The following NAV3 variants were observed in gnomAD, a reference collection of about 807,000 sequenced individuals.
NAV3 encodes the protein pore membrane and/or filament interacting like protein 1.
Under a neutral mutation model 244.7 loss-of-function variants are expected in NAV3, and 87 were observed. The observed-to-expected ratio is 0.36, with a 90% CI of 0.30 to 0.42. The LOEUF (loss-of-function observed/expected upper bound fraction) is 0.42, where lower values mean the gene tolerates loss of function less well. NAV3 is among the 20% of genes least tolerant of loss of function. The pLI is 1.00. For missense variants in NAV3, 2,663 were observed against 2,893.3 expected (o/e 0.92, Z 1.83); for synonymous variants, 1,126 against 1,042.2 (o/e 1.08, Z -1.55).
intron 2 of NAV3, among the ~76,000 whole-genome samples, chr12:77,793,160 T>C (rs1401577641): frequency 6.6e-6 from 1 of 151,974 alleles, no homozygotes; most frequent in Non-Finnish European, 1.5e-5. Context: ...AAATAAAAAA[T>C]ATTATAGCTA....
Position 78,119,385 on chromosome 12 carries a change from C to G in NAV3, c.3189C>G (p.Ser1063Arg), listed in dbSNP as rs773648384. Residue 1063 changes from serine to arginine, a missense_variant, in exon 15 of 40, where the codon AGC becomes AGG. Coordinates refer to ENST00000397909, the MANE Select transcript of NAV3 (RefSeq NM_001024383.2). ...PSGIGRSTATSSFGFKKPSGV... is the reference protein window; with the variant it reads ...PSGIGRSTATRSFGFKKPSGV... ...GCATTGGAAGATCGACTGCCACCAG[C>G]TCCTTTGGCTTTAAGAAACCAAGTG... The G allele has an allele frequency of 1.2e-6, 2 of 1,614,112 alleles. No individual in the cohort carries two copies. Among genetic ancestry groups the G allele is most frequent in the South Asian group, 1.1e-5 (1 of 91,082 alleles).
At chr12:77,786,338 T>G (rs545612655) in intron 2 of NAV3, among the ~76,000 whole-genome samples, 1 of 152,322 alleles carries the variant, frequency 6.6e-6, no homozygotes, top group South Asian at 2.1e-4. Flanking sequence ...CATACACCCC[T>G]TTGCTTGCTA....
intron 12 of NAV3, among the ~76,000 whole-genome samples, chr12:78,086,706 G>A (rs150995246): frequency 3.2e-4 from 49 of 152,142 alleles, no homozygotes; most frequent in African/African-American, 1.2e-3. Flanking sequence ...TAGAATTAAA[G>A]ACTTGGAAAG....
At position 77,647,536 on chromosome 12, in the gene NAV3, A is replaced by G. The variant is rs1354240490; in HGVS notation, c.72+75270A>G. On this transcript the variant is annotated intron_variant, in intron 2 of 8. Coordinates refer to the NAV3 transcript ENST00000550042. ...TTCAGAAATTTGAGATTAGGACTTGAGATATTATGTCTATTTTAGCCTCCT... is the reference window on the plus strand; with the variant it reads ...TTCAGAAATTTGAGATTAGGACTTGGGATATTATGTCTATTTTAGCCTCCT... 3.3e-5 allele frequency among the ~76,000 whole-genome samples: 5 copies of G among 151,696 alleles called. No homozygotes were observed. In the East Asian group the frequency reaches 9.7e-4, roughly 29 times the overall value.
At chr12:77,813,801 C>A (rs1430012734) in intron 2 of NAV3, among the ~76,000 whole-genome samples, 1 of 152,220 alleles carries the variant, frequency 6.6e-6, no homozygotes, top group African/African-American at 2.4e-5. Context: ...GAGCCTGTCA[C>A]TGATCTAAAA....
At chr12:78,161,877 A>G (rs1434674696) in intron 23 of NAV3, among the ~76,000 whole-genome samples, 2 of 152,152 alleles carry the variant, frequency 1.3e-5, no homozygotes, top group Non-Finnish European at 2.9e-5. Flanking sequence ...ATCTAATTAA[A>G]ACCAGTAGAA....
At chr12:77,791,196 A>C (rs2135943430) in intron 2 of NAV3, among the ~76,000 whole-genome samples, 1 of 152,186 alleles carries the variant, frequency 6.6e-6, no homozygotes. Context: ...TCTACTAAAA[A>C]TACAAAAATT....
At chr12:78,097,724 G>A (rs139531094) in intron 12 of NAV3, among the ~76,000 whole-genome samples, 149 of 152,024 alleles carry the variant, frequency 9.8e-4, no homozygotes, top group African/African-American at 3.2e-3. Context: ...CTTTAATGTA[G>A]CTGTTTCAAG....
At chr12:77,900,512 T>G (rs899641311) in intron 1 of NAV3, among the ~76,000 whole-genome samples, 3 of 152,196 alleles carry the variant, frequency 2.0e-5, no homozygotes, top group Admixed American at 6.5e-5. Flanking sequence ...ACTAAGTAGA[T>G]GATTTCATTA....
At chr12:77,795,427 A>T (rs1254374890) in intron 2 of NAV3, among the ~76,000 whole-genome samples, 1 of 152,150 alleles carries the variant, frequency 6.6e-6, no homozygotes. Context: ...TGCAAGGTGA[A>T]GCAGCAAGCG....
chr12:78,145,277 T>C (rs1003809700), intron 20 of NAV3, among the ~76,000 whole-genome samples: 1 of 152,196 alleles, frequency 6.6e-6, no homozygotes, highest in Non-Finnish European at 1.5e-5. Flanking sequence ...AGTTTACATA[T>C]TTTTAAAGGT....
At chr12:77,585,042 A>T (rs1010202553) in intron 2 of NAV3, among the ~76,000 whole-genome samples, 1 of 152,218 alleles carries the variant, frequency 6.6e-6, no homozygotes, top group African/African-American at 2.4e-5. Flanking sequence ...CCAAGACAAG[A>T]TAAACCCCGT....
chr12:77,954,840 T>C (rs985258750), intron 3 of NAV3, among the ~76,000 whole-genome samples: 5 of 152,230 alleles, frequency 3.3e-5, no homozygotes, highest in African/African-American at 1.2e-4. Flanking sequence ...AATTGATTTG[T>C]GAAATTTTTA....
intron 1 of NAV3, among the ~76,000 whole-genome samples, chr12:77,884,566 C>G (rs888375293): frequency 6.6e-6 from 1 of 152,106 alleles, no homozygotes; most frequent in African/African-American, 2.4e-5. Context: ...AAAAGGGTGT[C>G]CCAGCTACAG....
At chr12:77,666,845 T>C (rs114621992) in intron 2 of NAV3, among the ~76,000 whole-genome samples, 1,740 of 152,300 alleles carry the variant, frequency 0.011, 29 homozygotes, top group African/African-American at 0.04. Flanking sequence ...TGGGTAACAA[T>C]GGCTTTCTTT....
intron 2 of NAV3, among the ~76,000 whole-genome samples, chr12:77,788,451 T>C (rs1331487505): frequency 6.6e-6 from 1 of 152,156 alleles, no homozygotes; most frequent in Admixed American, 6.5e-5. Flanking sequence ...TGGCCAAGTT[T>C]CTTAACCTCT....
In NAV3 at chr12:78,053,745, G is replaced by A. The variant is rs541579506; in HGVS notation, c.2516+2598G>A. 4.6e-5 allele frequency among the ~76,000 whole-genome samples: 7 copies of A among 152,266 alleles called. No homozygotes were observed. In the South Asian group the frequency reaches 1.5e-3, roughly 32 times the overall value. On this transcript the variant is annotated intron_variant, in intron 11 of 39. Transcript: ENST00000397909. ...GAACATTTGTTGTGATATTAGAGCTGATACAAGAACACAGAGTATCACTTT... is the reference window on the plus strand; with the variant it reads ...GAACATTTGTTGTGATATTAGAGCTAATACAAGAACACAGAGTATCACTTT...
chr12:78,159,122 G>T, intron 22 of NAV3, 81 bp from the exon 23 acceptor site: 1 of 1,166,848 alleles, frequency 8.6e-7, no homozygotes, highest in Non-Finnish European at 1.2e-6. Flanking sequence ...ATGAAATTAA[G>T]CATTTTGTAA....
At position 77,987,385 on chromosome 12, in the gene NAV3, G is replaced by T. The variant is rs139502753; in HGVS notation, c.672-7418G>T. Among the ~76,000 whole-genome samples, 326 of 152,274 alleles carry T rather than the reference G, an allele frequency of 2.1e-3. 2 individuals carry two copies. Among genetic ancestry groups the T allele is most frequent in the Non-Finnish European group, 2.4e-3 (166 of 68,022 alleles). On this transcript the variant is annotated intron_variant, in intron 5 of 39. Coordinates refer to ENST00000397909, the MANE Select transcript of NAV3 (RefSeq NM_001024383.2). The stretch of plus-strand genomic sequence containing the variant: ...ATTAAAAGACTTAATTTTCATATTT[G>T]TCAGTTGGTTGTATAGTATAACCTT...
Sources: allele counts gnomAD v4.1 joint callset (sites outside exome capture counted in the v4.1 genomes callset), GRCh38; gene constraint gnomAD v4.1.1; transcripts MANE v1.5; gene names NCBI Gene and HGNC (gene_info 2026-07-23, HGNC 2026-07-21).